The following FSHR variants were observed in gnomAD, a reference collection of about 807,000 sequenced individuals.
FSHR encodes the protein follicle-stimulating hormone receptor.
In FSHR, 46 loss-of-function variants were observed where a neutral mutation model predicts 52.1. The ratio of observed to expected loss-of-function variants is 0.88; its 90% confidence interval spans 0.70 to 1.13. The LOEUF is 1.13. Ranked by LOEUF, FSHR falls within the 50% of genes most tolerant of loss-of-function variation. The pLI, the probability that FSHR is intolerant of heterozygous loss-of-function variation, is 0.00. For missense variants in FSHR, 964 were observed against 834.6 expected (o/e 1.16, Z -1.91); for synonymous variants, 399 against 309.6 (o/e 1.29, Z -3.03).
intron 2 of FSHR, among the ~76,000 whole-genome samples, chr2:49,054,230 T>A (rs887900409): frequency 6.6e-6 from 1 of 152,148 alleles, no homozygotes; most frequent in Non-Finnish European, 1.5e-5. Context: ...GCTCTGTGGG[T>A]GGACCCCAGG....
chr2:49,103,260 T>C (rs2103730741), intron 1 of FSHR, among the ~76,000 whole-genome samples: 1 of 152,232 alleles, frequency 6.6e-6, no homozygotes, highest in South Asian at 2.1e-4. Context: ...GATACAGAAA[T>C]GCTGGTGTGG....
At chr2:49,062,501 CTG>C (rs980125069) in intron 2 of FSHR, among the ~76,000 whole-genome samples, 14 of 152,070 alleles carry the variant, frequency 9.2e-5, no homozygotes, top group African/African-American at 3.4e-4. Flanking sequence ...GAAAATTGAT[CTG>C]TGTGAAGATT....
intron 1 of FSHR, among the ~76,000 whole-genome samples, chr2:49,120,267 T>C (rs1244011791): frequency 1.3e-5 from 2 of 152,144 alleles, no homozygotes; most frequent in Admixed American, 6.5e-5. Context: ...TGAGACTCCA[T>C]CTCAGACAAA....
At chr2:49,137,559 G>C in intron 1 of FSHR, among the ~76,000 whole-genome samples, 1 of 152,012 alleles carries the variant, frequency 6.6e-6, no homozygotes, top group African/African-American at 2.4e-5. Context: ...CAAAGTTGGA[G>C]GATTGTACTT....
rs763241241 is a variant in FSHR, at chr2:48,963,370, C to T, written c.1451G>A (p.Arg484His). ...CATCACCATGACACTGGCAGCATGG[C>T]GGAGCTGCACCTTGCAGTCCAGCTG... The part of the protein sequence containing the change: ...AMQLDCKVQL[R>H]HAASVMVMGW... Residue 484 changes from arginine (R) to histidine (H), a missense_variant, in exon 10 of 10, where the codon CGC (arginine) becomes CAC (histidine). Transcript: ENST00000406846. The T allele has an allele frequency of 5.5e-5, 89 of 1,613,850 alleles. No individual in the cohort carries two copies. Among genetic ancestry groups the T allele is most frequent in the East Asian group, 2.0e-4 (9 of 44,852 alleles).
At chr2:48,968,569 A>G (rs1674584794) in intron 9 of FSHR, 129 bp downstream of exon 9, 2 of 1,082,726 alleles carry the variant, frequency 1.8e-6, no homozygotes, top group African/African-American at 1.5e-5. Flanking sequence ...TTGACCCAGA[A>G]TGTGCCAAAG....
At chr2:49,149,573 A>T (rs1672987790) in intron 1 of FSHR, among the ~76,000 whole-genome samples, 1 of 151,882 alleles carries the variant, frequency 6.6e-6, no homozygotes, top group Admixed American at 6.6e-5. Flanking sequence ...AACATCAAAA[A>T]CTCTGTTTCA....
chr2:49,090,846 C>T (rs138896965), intron 1 of FSHR, among the ~76,000 whole-genome samples: 63 of 152,146 alleles, frequency 4.1e-4, no homozygotes, highest in African/African-American at 5.3e-4. Context: ...TAATTAGTTA[C>T]GTAATGGCTA....
At chr2:49,097,393 A>T (rs1310326424) in intron 1 of FSHR, among the ~76,000 whole-genome samples, 1 of 152,188 alleles carries the variant, frequency 6.6e-6, no homozygotes, top group Non-Finnish European at 1.5e-5. Flanking sequence ...TGTTGAGCCC[A>T]CTAGGGAACT....
intron 2 of FSHR, among the ~76,000 whole-genome samples, chr2:49,024,025 A>C (rs1172239422): frequency 6.6e-6 from 1 of 152,142 alleles, no homozygotes; most frequent in Non-Finnish European, 1.5e-5. Context: ...ATGAAATTTC[A>C]ACCTCTTACA....
At chr2:49,106,482 G>A (rs186678664) in intron 1 of FSHR, among the ~76,000 whole-genome samples, 41 of 152,296 alleles carry the variant, frequency 2.7e-4, no homozygotes, top group Admixed American at 9.2e-4. Context: ...CAGTTTGGCT[G>A]GAGATGGTTC....
chr2:49,043,138 C>A (rs1243472699), intron 2 of FSHR, among the ~76,000 whole-genome samples: 4 of 152,128 alleles, frequency 2.6e-5, no homozygotes, highest in Non-Finnish European at 4.4e-5. Flanking sequence ...TTTATGGCTT[C>A]ATTCCTTTCC....
chr2:49,082,231 G>A (rs1358948559), intron 1 of FSHR, among the ~76,000 whole-genome samples: 2 of 152,134 alleles, frequency 1.3e-5, no homozygotes, highest in Non-Finnish European at 2.9e-5. Flanking sequence ...CCCCAGCAGG[G>A]GCAGACTGAC....
chr2:48,982,966 T>C lies in FSHR; in HGVS notation c.614A>G (p.Asn205Ser). Residue 205 changes from asparagine (N) to serine (S), a missense_variant, in exon 8 of 10, where the codon AAT (asparagine) becomes AGT (serine). By Grantham distance (46) the Asn-to-Ser change is conservative. Coordinates refer to ENST00000406846, the MANE Select transcript of FSHR (RefSeq NM_000145.4). ...AACATCATTAGGCAATTCTTCTAAA[T>C]TATTATTATCGCTTAGATTCCTGGG... ...LDELNLSDNN[N>S]LEELPNDVFH... 6.2e-7 allele frequency: 1 copy of C among 1,614,030 alleles called. No homozygotes were observed.
intron 2 of FSHR, among the ~76,000 whole-genome samples, chr2:49,023,283 A>T (rs971643463): frequency 1.3e-5 from 2 of 152,048 alleles, no homozygotes; most frequent in Non-Finnish European, 1.5e-5. Flanking sequence ...TGTCTAATTC[A>T]TCTGTTTTTG....
At chr2:49,066,446 C>T (rs967791110) in intron 2 of FSHR, among the ~76,000 whole-genome samples, 25 of 152,080 alleles carry the variant, frequency 1.6e-4, no homozygotes, top group Admixed American at 7.2e-4. Flanking sequence ...AAGGTGAGCA[C>T]GGAGACTGAG....
chr2:49,047,042 C>A (rs568280849), intron 2 of FSHR, among the ~76,000 whole-genome samples: 1 of 152,204 alleles, frequency 6.6e-6, no homozygotes, highest in African/African-American at 2.4e-5. Flanking sequence ...CGATAAATCT[C>A]CTCCTTTTAA....
At chr2:49,106,080 G>C (rs1042214959) in intron 1 of FSHR, among the ~76,000 whole-genome samples, 3 of 152,176 alleles carry the variant, frequency 2.0e-5, no homozygotes, top group Non-Finnish European at 4.4e-5. Flanking sequence ...GAATATTTAA[G>C]AGGTATTAGG....
At chr2:49,046,715 A>T (rs1238964551) in intron 2 of FSHR, among the ~76,000 whole-genome samples, 1 of 152,186 alleles carries the variant, frequency 6.6e-6, no homozygotes, top group Admixed American at 6.5e-5. Flanking sequence ...GTCCTCATCT[A>T]ATTAGCACAC....
Sources: gnomAD v4.1 joint callset for allele counts (sites outside exome capture counted in the v4.1 genomes callset) on GRCh38, gnomAD v4.1.1 for gene constraint, MANE v1.5 for transcripts, NCBI Gene and HGNC (gene_info 2026-07-23, HGNC 2026-07-21) for gene names.